Variants in GRM7 observed in about 807,000 individuals in gnomAD.
The protein encoded by GRM7 is metabotropic glutamate receptor 7.
GRM7 carries 35 observed loss-of-function variants against 84.5 expected under a neutral mutation model. The ratio of observed to expected loss-of-function variants is 0.41; its 90% CI spans 0.32 to 0.55. GRM7 has a LOEUF of 0.55. Among genes scored for constraint, GRM7 ranks in the 20% least tolerant of loss-of-function variants. The pLI is 0.19. For synonymous variants in GRM7, 487 were observed against 455.1 expected (o/e 1.07, Z -0.89); for missense variants, 1,003 against 1,194.6 (o/e 0.84, Z 2.36).
intron 1 of GRM7, among the ~76,000 whole-genome samples, chr3:6,965,506 T>C (rs1467783317): frequency 6.6e-6 from 1 of 151,900 alleles, no homozygotes; most frequent in East Asian, 1.9e-4. Context: ...TTTTTATGTT[T>C]TTATTTTTGT....
At chr3:7,425,241 G>A (rs1366454516) in intron 5 of GRM7, among the ~76,000 whole-genome samples, 5 of 152,166 alleles carry the variant, frequency 3.3e-5, no homozygotes, top group Admixed American at 3.3e-4. Context: ...GGAGAAGTGA[G>A]CTGACCTTGT....
At chr3:7,230,866 C>G (rs1282192673) in intron 2 of GRM7, among the ~76,000 whole-genome samples, 6 of 152,078 alleles carry the variant, frequency 3.9e-5, no homozygotes, top group Non-Finnish European at 7.4e-5. Flanking sequence ...GCATAAAACC[C>G]TTTTAGTATA....
At chr3:7,656,476 A>G (rs1166500118) in intron 8 of GRM7, among the ~76,000 whole-genome samples, 1 of 151,106 alleles carries the variant, frequency 6.6e-6, no homozygotes, top group Admixed American at 6.7e-5. Flanking sequence ...AGTCTGGGCG[A>G]CAGAGCAAGA....
intron 2 of GRM7, among the ~76,000 whole-genome samples, chr3:7,214,763 T>C (rs1447287911): frequency 6.6e-6 from 1 of 152,130 alleles, no homozygotes; most frequent in Non-Finnish European, 1.5e-5. Flanking sequence ...AAGAATACAA[T>C]TGGGTAGTGA....
At chr3:7,470,755 A>G (rs1251647219) in intron 7 of GRM7, among the ~76,000 whole-genome samples, 1 of 152,200 alleles carries the variant, frequency 6.6e-6, no homozygotes, top group Admixed American at 6.5e-5. Context: ...ATGAGTTTAA[A>G]GAGCTGGACT....
intron 2 of GRM7, among the ~76,000 whole-genome samples, chr3:7,194,475 C>T (rs912803791): frequency 1.3e-5 from 2 of 152,118 alleles, no homozygotes; most frequent in Admixed American, 6.6e-5. Flanking sequence ...TTTAAGTCCT[C>T]GGAGTTTTGG....
intron 6 of GRM7, among the ~76,000 whole-genome samples, chr3:7,454,086 A>ACTCT (rs1378379871): frequency 9.0e-6 from 1 of 110,594 alleles, no homozygotes; most frequent in African/African-American, 4.2e-5. Flanking sequence ...AAAGCTACAC[A>ACTCT]CACACTCTCT....
At position 7,552,798 on chromosome 3, in the gene GRM7, G is replaced by A. The variant is rs556464468; in HGVS notation, c.1516-25624G>A. Among the ~76,000 whole-genome samples the A allele has an allele frequency of 5.3e-4, 81 of 152,292 alleles. 2 individuals are homozygous for A. The highest frequency in any genetic ancestry group is 4.0e-4 in the Non-Finnish European group (27 of 68,032). On this transcript the variant is annotated intron_variant, in intron 7 of 9. Transcript: ENST00000357716. ...AACCATTTTTCCTCTTAGGCCTCTG[G>A]GCCAGTGATGGGAGAAGTTGCTGTG... is the stretch of plus-strand genomic sequence containing the variant.
At chr3:7,206,275 A>G (rs1696237014) in intron 2 of GRM7, among the ~76,000 whole-genome samples, 1 of 152,216 alleles carries the variant, frequency 6.6e-6, no homozygotes, top group Non-Finnish European at 1.5e-5. Flanking sequence ...AGCAGTTCCT[A>G]TTAAATGTTC....
chr3:6,929,830 C>T (rs1359419180), intron 1 of GRM7, among the ~76,000 whole-genome samples: 4 of 152,108 alleles, frequency 2.6e-5, no homozygotes, highest in African/African-American at 9.7e-5. Flanking sequence ...TGTCCAGGTG[C>T]TGTCAGAATG....
chr3:7,275,804 C>A (rs978614730), intron 2 of GRM7, among the ~76,000 whole-genome samples: 2 of 152,050 alleles, frequency 1.3e-5, no homozygotes, highest in African/African-American at 4.8e-5. Context: ...CTGTAAGAAC[C>A]AAACAGAGCT....
intron 7 of GRM7, among the ~76,000 whole-genome samples, chr3:7,537,218 T>C (rs1353144553): frequency 6.6e-6 from 1 of 152,192 alleles, no homozygotes; most frequent in Non-Finnish European, 1.5e-5. Context: ...CCACTCTTCT[T>C]CTTCACTTCC....
intron 1 of GRM7, among the ~76,000 whole-genome samples, chr3:6,921,722 G>A (rs1236020761): frequency 1.3e-5 from 2 of 152,070 alleles, no homozygotes; most frequent in South Asian, 4.1e-4. Flanking sequence ...CAAGGGATCT[G>A]TGTACAAGAA....
chr3:7,463,873 C>T (rs76674450), intron 7 of GRM7, among the ~76,000 whole-genome samples: 2,561 of 152,222 alleles, frequency 0.017, 71 homozygotes, highest in African/African-American at 0.058. Context: ...CTAAGAAGTA[C>T]TAAGCAAGGA....
intron 1 of GRM7, among the ~76,000 whole-genome samples, chr3:6,957,535 A>G (rs1364513021): frequency 3.3e-5 from 5 of 152,188 alleles, no homozygotes; most frequent in Non-Finnish European, 5.9e-5. Context: ...TTTAAACTGT[A>G]TTTCACCTTC....
intron 7 of GRM7, among the ~76,000 whole-genome samples, chr3:7,492,370 T>G (rs947977708): frequency 1.8e-4 from 27 of 152,186 alleles, no homozygotes; most frequent in African/African-American, 6.3e-4. Context: ...TAATTGCATA[T>G]TTAATTTATT....
rs1422012199 is a variant in GRM7, at chr3:7,349,799, T to A, written c.1033+43147T>A. Among the ~76,000 whole-genome samples, 4 of 152,198 alleles carry A rather than the reference T, an allele frequency of 2.6e-5. No individual in the cohort carries two copies. The South Asian group carries it at 6.2e-4, about 24-fold the overall frequency. ...ATAGATGAAATGATTAAATATCTAT[T>A]CATGAAGTTTAAACTACTAATTATT... On this transcript the variant is annotated intron_variant, in intron 4 of 9. Coordinates refer to ENST00000357716, the MANE Select transcript of GRM7 (RefSeq NM_000844.4).
intron 1 of GRM7, among the ~76,000 whole-genome samples, chr3:6,881,499 C>T (rs1172028166): frequency 2.0e-5 from 3 of 152,090 alleles, no homozygotes; most frequent in Non-Finnish European, 2.9e-5. Context: ...CATAATATTC[C>T]ATGGTTTATA....
intron 1 of GRM7, among the ~76,000 whole-genome samples, chr3:7,134,914 T>C (rs559044037): frequency 7.3e-4 from 111 of 152,248 alleles, no homozygotes; most frequent in Admixed American, 5.9e-4. Context: ...TTTAAACATA[T>C]GCTATAACAA....
Sources: allele counts gnomAD v4.1 joint callset (sites outside exome capture counted in the v4.1 genomes callset), GRCh38; gene constraint gnomAD v4.1.1; transcripts MANE v1.5; gene names NCBI Gene and HGNC (gene_info 2026-07-23, HGNC 2026-07-21).